TENM3: variants seen among roughly 807,000 people sequenced by gnomAD.
The protein encoded by TENM3 is teneurin transmembrane protein 3.
A neutral mutation model predicts 255.1 loss-of-function variants in TENM3; 63 were observed. That is an observed-to-expected ratio of 0.25 (90% CI 0.20 to 0.30). The LOEUF (loss-of-function observed/expected upper bound fraction) is 0.30, where lower values mean the gene tolerates loss of function less well. TENM3 is among the 10% of genes least tolerant of loss of function. TENM3 has a pLI of 1.00. For synonymous variants in TENM3, 1,306 were observed against 1,322.3 expected, an observed-to-expected ratio of 0.99 and a Z score of 0.27; for missense variants, 2,929 against 3,461.1, an observed-to-expected ratio of 0.85 and a Z score of 3.86.
At chr4:182,487,182 C>T (rs1377026454) in intron 3 of TENM3, among the ~76,000 whole-genome samples, 1 of 152,142 alleles carries the variant, frequency 6.6e-6, no homozygotes, top group African/African-American at 2.4e-5. Flanking sequence ...CCATAGCTAG[C>T]CCTTTTTATG....
chr4:182,608,312 G>T lies in TENM3; in HGVS notation c.749+7151G>T, dbSNP rs572476523. Among the ~76,000 whole-genome samples the T allele has an allele frequency of 5.3e-5, 8 of 152,226 alleles. No individual in the cohort carries two copies. The South Asian group carries it at 1.2e-3, about 24-fold the overall frequency. Reference sequence around the variant, plus strand: ...TCTGTCACTCATGCTAGAGTGCATTGGCACAATCACGGCTCCCAGCAGTCT... The same window carrying T: ...TCTGTCACTCATGCTAGAGTGCATTTGCACAATCACGGCTCCCAGCAGTCT... On this transcript the variant is annotated intron_variant, in intron 4 of 27. Transcript: ENST00000511685.
At chr4:182,349,680 T>A (rs1282417087) in intron 3 of TENM3, among the ~76,000 whole-genome samples, 1 of 152,238 alleles carries the variant, frequency 6.6e-6, no homozygotes, top group African/African-American at 2.4e-5. Context: ...TTACTACTTT[T>A]AGTCAAGTAA....
chr4:182,378,719 A>G (rs984451661), intron 3 of TENM3, among the ~76,000 whole-genome samples: 2 of 152,160 alleles, frequency 1.3e-5, no homozygotes, highest in East Asian at 3.9e-4. Flanking sequence ...CAGAGTTTGG[A>G]TTTGAAAAGA....
At chr4:181,782,718 G>T in the TENM3 span, among the ~76,000 whole-genome samples, 89 of 152,224 alleles carry the variant, frequency 5.8e-4, no homozygotes, top group African/African-American at 2.0e-3. Flanking sequence ...ACTTTAGGGT[G>T]TCAATTTTAG....
At chr4:181,738,479 A>G in the TENM3 span, among the ~76,000 whole-genome samples, 3 of 152,108 alleles carry the variant, frequency 2.0e-5, no homozygotes, top group African/African-American at 7.2e-5. Flanking sequence ...ATATGTCCCC[A>G]TCGTCTATAA....
the TENM3 span, among the ~76,000 whole-genome samples, chr4:181,696,059 G>A: frequency 3.3e-5 from 5 of 151,982 alleles, no homozygotes; most frequent in African/African-American, 1.2e-4. Flanking sequence ...CCTTAAAGCC[G>A]GACACGCGTT....
chr4:182,704,882 T>G (rs1758161468), intron 12 of TENM3, among the ~76,000 whole-genome samples: 1 of 151,346 alleles, frequency 6.6e-6, no homozygotes, highest in Non-Finnish European at 1.5e-5. Flanking sequence ...AAATGCAAAT[T>G]AATTGACTTT....
chr4:181,887,451 A>G, the TENM3 span, among the ~76,000 whole-genome samples: 1 of 152,220 alleles, frequency 6.6e-6, no homozygotes, highest in Admixed American at 6.5e-5. Context: ...AGGTGGCTAC[A>G]GGAGTATTCT....
At chr4:181,901,895 C>A in the TENM3 span, among the ~76,000 whole-genome samples, 1 of 151,922 alleles carries the variant, frequency 6.6e-6, no homozygotes, top group Admixed American at 6.6e-5. Context: ...CCCAAAAAAA[C>A]TGCAAAAGGA....
intron 12 of TENM3, among the ~76,000 whole-genome samples, chr4:182,711,150 T>C (rs1318240479): frequency 2.0e-5 from 3 of 152,192 alleles, no homozygotes; most frequent in South Asian, 4.1e-4. Context: ...TGCTCAACAG[T>C]CTCCATTTCT....
the TENM3 span, among the ~76,000 whole-genome samples, chr4:181,681,409 A>T: frequency 2.6e-5 from 4 of 152,044 alleles, no homozygotes; most frequent in Non-Finnish European, 5.9e-5. Flanking sequence ...CCTGTTCTGA[A>T]GGCATTTATC....
the TENM3 span, among the ~76,000 whole-genome samples, chr4:182,126,544 C>G: frequency 3.3e-5 from 5 of 152,150 alleles, no homozygotes; most frequent in Admixed American, 6.5e-5. Flanking sequence ...TTTGGTGAAG[C>G]AAAACATCTT....
chr4:181,849,957 A>T, the TENM3 span, among the ~76,000 whole-genome samples: 748 of 83,074 alleles, frequency 9.0e-3, 7 homozygotes, highest in African/African-American at 0.018. Flanking sequence ...TCTCACACAC[A>T]CACACACACA....
intron 3 of TENM3, among the ~76,000 whole-genome samples, chr4:182,540,339 C>T (rs1447437799): frequency 6.6e-6 from 1 of 152,128 alleles, no homozygotes; most frequent in Non-Finnish European, 1.5e-5. Flanking sequence ...CCTGTAATCC[C>T]AACACTTTGG....
At chr4:182,744,541 A>G (rs1761864296) in intron 19 of TENM3, among the ~76,000 whole-genome samples, 1 of 152,166 alleles carries the variant, frequency 6.6e-6, no homozygotes, top group Admixed American at 6.5e-5. Flanking sequence ...CCTGGTTCCA[A>G]GAAAACCCCT....
chr4:182,144,424 C>T (rs1253569263), upstream of TENM3: 1 of 152,258 alleles, frequency 6.6e-6, no homozygotes, highest in Non-Finnish European at 1.5e-5. Flanking sequence ...CCGGCCTGGT[C>T]CGCCGCCTTG....
chr4:181,748,953 C>A, the TENM3 span, among the ~76,000 whole-genome samples: 1 of 152,052 alleles, frequency 6.6e-6, no homozygotes, highest in South Asian at 2.1e-4. Context: ...ACACATAAGT[C>A]AAACATATTT....
the TENM3 span, among the ~76,000 whole-genome samples, chr4:181,478,358 A>T: frequency 6.6e-6 from 1 of 152,224 alleles, no homozygotes; most frequent in Non-Finnish European, 1.5e-5. Context: ...TTAAAATGGC[A>T]TCTTTAAGTG....
chr4:181,755,360 T>G, the TENM3 span, among the ~76,000 whole-genome samples: 1 of 152,192 alleles, frequency 6.6e-6, no homozygotes, highest in Admixed American at 6.5e-5. Flanking sequence ...TACTCACTTT[T>G]TTTTTACTTA....
Sources: gnomAD v4.1 joint callset for allele counts (sites outside exome capture counted in the v4.1 genomes callset) on GRCh38, gnomAD v4.1.1 for gene constraint, MANE v1.5 for transcripts, NCBI Gene and HGNC (gene_info 2026-07-23, HGNC 2026-07-21) for gene names.